Variants in HOGA1 observed in about 807,000 individuals in gnomAD.
HOGA1 encodes 4-hydroxy-2-oxoglutarate aldolase, mitochondrial.
A neutral mutation model predicts 34.3 loss-of-function variants in HOGA1; 30 were observed. The observed-to-expected ratio is 0.87, with a 90% CI of 0.65 to 1.19. The LOEUF (loss-of-function observed/expected upper bound fraction) is 1.19. Ranked by LOEUF, HOGA1 falls within the 50% of genes most tolerant of loss-of-function variation. HOGA1 has a pLI of 0.00. For missense variants in HOGA1, 417 were observed against 436.5 expected, an observed-to-expected ratio of 0.96 and a Z score of 0.40; for synonymous variants, 161 against 174.0, an observed-to-expected ratio of 0.93 and a Z score of 0.59.
Position 97,599,820 on chromosome 10 carries a change from T to A in HOGA1, c.603+6T>A. The A allele has an allele frequency of 1.2e-6, 2 of 1,614,110 alleles. No homozygotes were observed. The highest frequency in any genetic ancestry group is 1.7e-6 in the Non-Finnish European group (2 of 1,180,022). ...TGAAGGACAGCGGTGGTGATGTGAGTGGCAGCAGCTCCGGGGCTGGGGTCC... is the reference window on the plus strand; with the variant it reads ...TGAAGGACAGCGGTGGTGATGTGAGAGGCAGCAGCTCCGGGGCTGGGGTCC... On this transcript the variant is annotated splice_donor_region_variant and intron_variant, in intron 4 of 6. Coordinates refer to ENST00000370646, the MANE Select transcript of HOGA1 (RefSeq NM_138413.4).
At position 97,611,678 on chromosome 10, in the gene HOGA1, G is replaced by T. The variant is rs372613860; in HGVS notation, c.*19G>T. 2.5e-6 allele frequency: 4 copies of T among 1,606,524 alleles called. No homozygotes were observed. Among genetic ancestry groups the T allele is most frequent in the Non-Finnish European group, 3.4e-6 (4 of 1,178,038 alleles). ...GCTCTGAGGGCAGGCAGGGTCCATGGCTGGCCTGAGCCCATCTCAGCCTCC... is the reference window on the plus strand; with the variant it reads ...GCTCTGAGGGCAGGCAGGGTCCATGTCTGGCCTGAGCCCATCTCAGCCTCC... On this transcript the variant is annotated 3_prime_UTR_variant, in exon 7 of 7. Coordinates refer to ENST00000370646, the MANE Select transcript of HOGA1 (RefSeq NM_138413.4).
chr10:97,590,846 C>G (rs2041016411), intron 1 of HOGA1: 2 of 525,356 alleles, frequency 3.8e-6, no homozygotes, highest in South Asian at 2.7e-5. Context: ...CCCTGAAGAC[C>G]CACCAAGAGA....
intron 1 of HOGA1, chr10:97,590,636 C>T: frequency 6.7e-7 from 1 of 1,493,296 alleles, no homozygotes. Flanking sequence ...AAGGCTGGCT[C>T]ACACACACGT....
At chr10:97,602,012 C>G (rs553077482) in intron 6 of HOGA1, 22 bp downstream of exon 6, 1 of 1,600,420 alleles carries the variant, frequency 6.2e-7, no homozygotes, top group East Asian at 2.3e-5. Flanking sequence ...GCAGCGGGGG[C>G]GCGGCCTGGC....
chr10:97,590,253 C>G, intron 1 of HOGA1: 2 of 1,613,886 alleles, frequency 1.2e-6, no homozygotes, highest in South Asian at 2.2e-5. Context: ...GCCCCATCCA[C>G]TGATGAGGCC....
intron 6 of HOGA1, 112 bp from the exon 7 acceptor site, chr10:97,611,398 T>G: frequency 7.8e-7 from 1 of 1,284,492 alleles, no homozygotes; most frequent in Non-Finnish European, 1.1e-6. Context: ...GCAGTTACTT[T>G]CCTGGGGGAA....
chr10:97,610,363 G>A (rs1156958401), intron 6 of HOGA1, among the ~76,000 whole-genome samples: 1 of 152,254 alleles, frequency 6.6e-6, no homozygotes, highest in Non-Finnish European at 1.5e-5. Flanking sequence ...AGGTGCTGTG[G>A]AGGCTGAGGT....
intron 6 of HOGA1, 190 bp downstream of exon 6, chr10:97,602,180 C>T: frequency 6.5e-7 from 1 of 1,547,080 alleles, no homozygotes. Flanking sequence ...AAGTCGAGCA[C>T]CACTGATTGT....
intron 1 of HOGA1, among the ~76,000 whole-genome samples, chr10:97,587,091 CAG>C (rs796580594): frequency 5.9e-5 from 9 of 152,300 alleles, no homozygotes; most frequent in African/African-American, 2.2e-4. Context: ...ACAGAAAACA[CAG>C]AGATAGAGGG....
chr10:97,588,124 T>C (rs937781694), intron 1 of HOGA1, among the ~76,000 whole-genome samples: 29 of 152,280 alleles, frequency 1.9e-4, no homozygotes, highest in African/African-American at 6.5e-4. Context: ...GTGTAGCTCT[T>C]TTTAAAAAAT....
chr10:97,604,942 C>T (rs1327107440), intron 6 of HOGA1, among the ~76,000 whole-genome samples: 2 of 152,158 alleles, frequency 1.3e-5, no homozygotes, highest in African/African-American at 2.4e-5. Context: ...GATTGTGCCA[C>T]TGCACTCCAG....
chr10:97,590,188 G>A (rs1363488114), intron 1 of HOGA1: 1 of 1,614,028 alleles, frequency 6.2e-7, no homozygotes, highest in Non-Finnish European at 8.5e-7. Context: ...TCACCAGCAG[G>A]CAGAAGACAT....
intron 1 of HOGA1, among the ~76,000 whole-genome samples, chr10:97,591,817 T>TTGTGTG (rs56742680): frequency 0.26 from 28,290 of 110,758 alleles, 4,031 homozygotes; most frequent in Non-Finnish European, 0.29. Flanking sequence ...TTCTTTCATT[T>TTGTGTG]TGTGTGTGTG....
At chr10:97,599,423 C>G in intron 3 of HOGA1, 1 of 720,142 alleles carries the variant, frequency 1.4e-6, no homozygotes, top group Non-Finnish European at 2.3e-6. Context: ...ATGATGTCAT[C>G]TGTCTCATAG....
At chr10:97,608,134 A>AT (rs1434889736) in intron 6 of HOGA1, among the ~76,000 whole-genome samples, 12 of 152,146 alleles carry the variant, frequency 7.9e-5, no homozygotes, top group Non-Finnish European at 7.4e-5. Flanking sequence ...ATAGAGTGAG[A>AT]TTTTGTCTTT....
At position 97,603,718 on chromosome 10, in the gene HOGA1, A is replaced by G. The variant is rs974424988; in HGVS notation, c.834+1728A>G. Among the ~76,000 whole-genome samples the G allele has an allele frequency of 4.0e-5, 6 of 151,874 alleles. No individual in the cohort carries two copies. The highest frequency in any genetic ancestry group is 8.8e-5 in the Non-Finnish European group (6 of 67,962). On this transcript the variant is annotated intron_variant, in intron 6 of 6. Coordinates refer to ENST00000370646, the MANE Select transcript of HOGA1 (RefSeq NM_138413.4). The surrounding 1 kb of genome is among the most constrained non-coding windows in gnomAD (Gnocchi z 4.5). Reference sequence around the variant, plus strand: ...GCTGGGATTACAGATGCCTGCCACCACACCCGGCTAATTTTTGTGCTTTTA... The same window carrying G: ...GCTGGGATTACAGATGCCTGCCACCGCACCCGGCTAATTTTTGTGCTTTTA...
Position 97,612,525 on chromosome 10 carries a change from G to A in HOGA1, c.*866G>A, listed in dbSNP as rs902630533. On this transcript the variant is annotated 3_prime_UTR_variant, in exon 7 of 7. Transcript: ENST00000370646. ...CTGCAAGCTGCATTCCAGCCACAACGCCCTTTTCTAAATCTATTTTCATTC... is the reference window on the plus strand; with the variant it reads ...CTGCAAGCTGCATTCCAGCCACAACACCCTTTTCTAAATCTATTTTCATTC... The A allele has an allele frequency of 2.0e-5, 3 of 152,162 alleles. No individual in the cohort carries two copies. Among genetic ancestry groups the A allele is most frequent in the African/African-American group, 4.8e-5 (2 of 41,432 alleles). The allele number at this position is 152,162 out of a possible 1,614,324, so 9.4% of individuals were successfully genotyped here. A position where few individuals can be genotyped will look rare whatever the true frequency, so the allele number is the denominator to read the frequency against.
chr10:97,588,342 C>T (rs1265422061), intron 1 of HOGA1, among the ~76,000 whole-genome samples: 1 of 151,340 alleles, frequency 6.6e-6, no homozygotes, highest in Non-Finnish European at 1.5e-5. Flanking sequence ...GGACTACAGG[C>T]TCCCACCACC....
At position 97,588,257 on chromosome 10, in the gene HOGA1, G is replaced by A. The variant is rs1440844326; in HGVS notation, c.211+3343G>A. ...CTGTCTCCCAGGCTGCAGTGCAGTG[G>A]CACGATCTCGGCTTACTGCAAGCTC... On this transcript the variant is annotated intron_variant, in intron 1 of 6. Coordinates refer to ENST00000370646, the MANE Select transcript of HOGA1 (RefSeq NM_138413.4). Among the ~76,000 whole-genome samples the A allele has an allele frequency of 1.2e-4, 17 of 147,574 alleles. No individual in the cohort carries two copies. In the South Asian group the frequency reaches 3.6e-3, roughly 31 times the overall value.
Sources: gnomAD v4.1 joint callset for allele counts (sites outside exome capture counted in the v4.1 genomes callset) on GRCh38, gnomAD v4.1.1 for gene constraint, Gnocchi (gnomAD v3.1) non-coding constraint, MANE v1.5 for transcripts, NCBI Gene and HGNC (gene_info 2026-07-23, HGNC 2026-07-21) for gene names.